The following PCDH9 variants were observed in gnomAD, a reference collection of about 807,000 sequenced individuals.
PCDH9 encodes the protein protocadherin 9.
PCDH9 carries 24 observed loss-of-function variants against 70.6 expected under a neutral mutation model. The observed-to-expected ratio is 0.34, with a 90% CI of 0.25 to 0.48. The LOEUF (loss-of-function observed/expected upper bound fraction) is 0.48. PCDH9 is among the 20% of genes least tolerant of loss of function. The pLI is 0.99. For missense variants in PCDH9, 1,281 were observed against 1,503.6 expected, an observed-to-expected ratio of 0.85 and a Z score of 2.45; for synonymous variants, 562 against 558.5, an observed-to-expected ratio of 1.01 and a Z score of -0.09.
chr13:67,088,208 T>C (rs751658379), intron 2 of PCDH9, among the ~76,000 whole-genome samples: 1 of 151,974 alleles, frequency 6.6e-6, no homozygotes, highest in Non-Finnish European at 1.5e-5. Context: ...GGTCGTGGTG[T>C]GGTTTAATAC....
chr13:67,180,323 C>A (rs1487860497), intron 2 of PCDH9, among the ~76,000 whole-genome samples: 32 of 151,924 alleles, frequency 2.1e-4, no homozygotes. Context: ...ATGTCGCTAG[C>A]GCCAATTTTG....
chr13:66,343,332 T>C (rs1318410), intron 4 of PCDH9, among the ~76,000 whole-genome samples: 144,873 of 152,256 alleles, frequency 0.95, 69,316 homozygotes, highest in East Asian at 1. Flanking sequence ...GTCTCGGAAA[T>C]ACAGAATCAA....
At chr13:66,631,111 T>A in intron 4 of PCDH9, 99 bp downstream of exon 4, 1 of 674,296 alleles carries the variant, frequency 1.5e-6, no homozygotes, top group Non-Finnish European at 2.7e-6. Flanking sequence ...AAAAAATAAC[T>A]AAATGTTCAT....
chr13:66,591,043 T>A (rs974509654), intron 4 of PCDH9, among the ~76,000 whole-genome samples: 1 of 151,802 alleles, frequency 6.6e-6, no homozygotes, highest in Non-Finnish European at 1.5e-5. Flanking sequence ...AATATGTACT[T>A]CACTTCTTTA....
chr13:66,620,883 T>C (rs1444249438), intron 4 of PCDH9, among the ~76,000 whole-genome samples: 1 of 152,174 alleles, frequency 6.6e-6, no homozygotes, highest in Non-Finnish European at 1.5e-5. Flanking sequence ...TTAAGCTTAC[T>C]GAGTCTTGGT....
At position 67,045,668 on chromosome 13, in the gene PCDH9, T is replaced by C. The variant is rs191706005; in HGVS notation, c.3037-142063A>G. Among the ~76,000 whole-genome samples the C allele has an allele frequency of 2.6e-3, 399 of 152,264 alleles. 1 individual carries two copies. The highest frequency in any genetic ancestry group is 5.2e-3 in the Admixed American group (80 of 15,280). On this transcript the variant is annotated intron_variant, in intron 2 of 4. Coordinates refer to ENST00000377865, the MANE Select transcript of PCDH9 (RefSeq NM_203487.3). ...TGAAATATGCTATTTAGTCATGAAA[T>C]TGGAGACTCTGTCACAGTTTATCAT...
At chr13:67,063,030 T>C (rs1487125198) in intron 2 of PCDH9, among the ~76,000 whole-genome samples, 1 of 152,124 alleles carries the variant, frequency 6.6e-6, no homozygotes, top group Admixed American at 6.6e-5. Flanking sequence ...ATAGTCTAGA[T>C]TATGCTGCAG....
chr13:66,332,920 T>G (rs996504066), intron 4 of PCDH9, among the ~76,000 whole-genome samples: 12 of 152,168 alleles, frequency 7.9e-5, no homozygotes, highest in African/African-American at 2.6e-4. Context: ...GAATGTTCAT[T>G]GAGATGACAA....
At chr13:67,024,900 C>T (rs899175082) in intron 2 of PCDH9, among the ~76,000 whole-genome samples, 13 of 152,168 alleles carry the variant, frequency 8.5e-5, no homozygotes, top group African/African-American at 2.4e-4. Flanking sequence ...GAAGGAGTGA[C>T]GTTCTGAACT....
intron 3 of PCDH9, among the ~76,000 whole-genome samples, chr13:66,689,738 T>C (rs1010656988): frequency 7.9e-5 from 12 of 152,224 alleles, no homozygotes; most frequent in African/African-American, 2.9e-4. Context: ...CAAATTTTAA[T>C]AGACAACCGC....
intron 3 of PCDH9, among the ~76,000 whole-genome samples, chr13:66,651,746 T>A (rs917316179): frequency 2.6e-5 from 4 of 151,926 alleles, no homozygotes; most frequent in African/African-American, 9.7e-5. Context: ...TGATGAACAT[T>A]GATGCAAATA....
intron 2 of PCDH9, among the ~76,000 whole-genome samples, chr13:67,116,919 A>AT (rs2086788598): frequency 6.6e-6 from 1 of 152,164 alleles, no homozygotes; most frequent in Non-Finnish European, 1.5e-5. Flanking sequence ...CTCTCAGGGA[A>AT]TTTCTATTTC....
chr13:66,709,496 C>A (rs927737513), intron 3 of PCDH9, among the ~76,000 whole-genome samples: 10 of 152,084 alleles, frequency 6.6e-5, no homozygotes, highest in African/African-American at 2.4e-4. Context: ...TCATTTCAAG[C>A]CCCATTACCT....
intron 4 of PCDH9, among the ~76,000 whole-genome samples, chr13:66,413,061 G>A (rs553893935): frequency 2.0e-5 from 3 of 152,032 alleles, no homozygotes; most frequent in African/African-American, 4.8e-5. Context: ...TGTTCTGCTC[G>A]TTGACACCTA....
At chr13:66,954,472 G>A (rs1312105961) in intron 2 of PCDH9, among the ~76,000 whole-genome samples, 1 of 152,120 alleles carries the variant, frequency 6.6e-6, no homozygotes, top group Non-Finnish European at 1.5e-5. Flanking sequence ...CCTAAACATT[G>A]GATAAGCTGA....
intron 4 of PCDH9, among the ~76,000 whole-genome samples, chr13:66,606,287 T>A (rs758125483): frequency 3.3e-5 from 5 of 152,100 alleles, no homozygotes; most frequent in Non-Finnish European, 4.4e-5. Context: ...CTAATGTCAT[T>A]ATAGTGAGTA....
At chr13:66,981,988 C>T (rs1203835434) in intron 2 of PCDH9, among the ~76,000 whole-genome samples, 1 of 152,066 alleles carries the variant, frequency 6.6e-6, no homozygotes, top group East Asian at 1.9e-4. Context: ...TTGTAATCAC[C>T]AATGCTGGAG....
At chr13:66,358,601 CCTA>C (rs1289760072) in intron 4 of PCDH9, among the ~76,000 whole-genome samples, 1 of 151,718 alleles carries the variant, frequency 6.6e-6, no homozygotes, top group Non-Finnish European at 1.5e-5. Flanking sequence ...CAGGATTGAA[CCTA>C]CTTTTATAAA....
At chr13:66,804,182 G>A (rs2080374581) in intron 3 of PCDH9, among the ~76,000 whole-genome samples, 1 of 152,158 alleles carries the variant, frequency 6.6e-6, no homozygotes, top group Non-Finnish European at 1.5e-5. Flanking sequence ...TCCCCTAGCA[G>A]GATGTCACAG....
Sources: gnomAD v4.1 joint callset for allele counts (sites outside exome capture counted in the v4.1 genomes callset) on GRCh38, gnomAD v4.1.1 for gene constraint, MANE v1.5 for transcripts, NCBI Gene and HGNC (gene_info 2026-07-23, HGNC 2026-07-21) for gene names.